ITPR2: variants seen among roughly 807,000 people sequenced by gnomAD.
ITPR2 encodes the protein inositol 1,4,5-trisphosphate-gated calcium channel ITPR2.
A neutral mutation model predicts 317.1 loss-of-function variants in ITPR2; 207 were observed. The observed-to-expected ratio is 0.65, with a 90% CI of 0.58 to 0.73. ITPR2 has a LOEUF of 0.73. Ranked by LOEUF, ITPR2 falls within the 30% of genes least tolerant of loss-of-function variation. The pLI is 0.00. For missense variants in ITPR2, 2,613 were observed against 3,284.0 expected, an observed-to-expected ratio of 0.80 and a Z score of 4.99; for synonymous variants, 1,156 against 1,149.1, an observed-to-expected ratio of 1.01 and a Z score of -0.12.
intron 55 of ITPR2, 56 bp downstream of exon 55, chr12:26,387,378 G>C: frequency 9.2e-6 from 14 of 1,522,196 alleles, no homozygotes; most frequent in Non-Finnish European, 1.2e-5. Flanking sequence ...GGGTAGAGAA[G>C]ATGAAAGCCT....
intron 23 of ITPR2, among the ~76,000 whole-genome samples, chr12:26,625,993 G>A (rs1261873383): frequency 6.6e-6 from 1 of 152,116 alleles, no homozygotes; most frequent in Non-Finnish European, 1.5e-5. Context: ...ACAGGGTCTT[G>A]TTCTGTTGCC....
At chr12:26,568,153 G>C (rs1198689599) in intron 34 of ITPR2, among the ~76,000 whole-genome samples, 2 of 150,542 alleles carry the variant, frequency 1.3e-5, no homozygotes, top group Non-Finnish European at 3.0e-5. Context: ...CTGGCCTATA[G>C]CATTAACTCC....
intron 21 of ITPR2, 136 bp from the exon 22 acceptor site, chr12:26,632,195 G>C: frequency 6.0e-6 from 3 of 502,224 alleles, no homozygotes; most frequent in Non-Finnish European, 9.7e-6. Flanking sequence ...CATAAGCATT[G>C]TTTGGGCTCT....
At chr12:26,491,727 GAGTA>G (rs1942812103) in intron 39 of ITPR2, among the ~76,000 whole-genome samples, 1 of 152,160 alleles carries the variant, frequency 6.6e-6, no homozygotes, top group Admixed American at 6.5e-5. Context: ...TTCAGGAAGA[GAGTA>G]AGTAAGGGTG....
intron 13 of ITPR2, among the ~76,000 whole-genome samples, chr12:26,681,522 C>G (rs111831972): frequency 1.3e-5 from 2 of 152,054 alleles, no homozygotes; most frequent in African/African-American, 4.8e-5. Context: ...CAGAGAAACA[C>G]AAACCTTCCT....
chr12:26,561,910 T>C lies in ITPR2; in HGVS notation c.4673A>G (p.Gln1558Arg). The change falls in exon 35 of 57, where the codon CAA (glutamine) becomes CGA (arginine). Residue 1558 changes from glutamine to arginine, a missense_variant. Physicochemically the swap from Gln to Arg is conservative, Grantham distance 43. Around this residue, in one of 9 missense-constraint regions of ITPR2, gnomAD observed 926 missense variants for 1,072.8 expected, o/e 0.86. Coordinates refer to ENST00000381340, the MANE Select transcript of ITPR2 (RefSeq NM_002223.4). ...GCTCTTCATGAAAAGAGTATTAACT[T>C]GGCTGTCCAAATCCACTGGAATGGC... The part of the protein sequence containing the change: ...GIAIPVDLDS[Q>R]VNTLFMKSHS... 1 of 1,556,218 alleles carries C rather than the reference T, an allele frequency of 6.4e-7. No homozygotes were observed. Among genetic ancestry groups the C allele is most frequent in the Non-Finnish European group, 8.6e-7 (1 of 1,160,900 alleles).
chr12:26,359,946 C>T (rs976098364), intron 55 of ITPR2, among the ~76,000 whole-genome samples: 5 of 152,168 alleles, frequency 3.3e-5, no homozygotes, highest in African/African-American at 1.2e-4. Flanking sequence ...CCACTTTCGC[C>T]TCTACGTGCC....
chr12:26,697,590 C>T lies in ITPR2; in HGVS notation c.952-1940G>A, dbSNP rs1267293191. The stretch of plus-strand genomic sequence containing the variant: ...TTGGGAGGCCAAGGTGGGTGGATCA[C>T]CTAAGATCAGGAGTTCGAGATCATC... On this transcript the variant is annotated intron_variant, in intron 9 of 56. Transcript: ENST00000381340. Among the ~76,000 whole-genome samples the T allele has an allele frequency of 2.0e-5, 3 of 152,222 alleles. No homozygotes were observed. The East Asian group carries it at 5.8e-4, about 29-fold the overall frequency.
chr12:26,364,140 T>G (rs1285130977), intron 55 of ITPR2, among the ~76,000 whole-genome samples: 1 of 152,164 alleles, frequency 6.6e-6, no homozygotes, highest in Non-Finnish European at 1.5e-5. Context: ...ATATGGCGGG[T>G]CAGATACCAT....
At chr12:26,820,641 T>C (rs1476248604) in intron 1 of ITPR2, among the ~76,000 whole-genome samples, 2 of 152,192 alleles carry the variant, frequency 1.3e-5, no homozygotes, top group Admixed American at 1.3e-4. Flanking sequence ...TAAAAGAATT[T>C]TTAAAAATAT....
chr12:26,349,646 G>A (rs1038834380), intron 55 of ITPR2, among the ~76,000 whole-genome samples: 3 of 152,232 alleles, frequency 2.0e-5, no homozygotes, highest in African/African-American at 7.2e-5. Context: ...TTGGTTAGCT[G>A]AGGCCATATG....
chr12:26,464,002 A>G (rs1291234040), intron 45 of ITPR2, among the ~76,000 whole-genome samples: 1 of 152,174 alleles, frequency 6.6e-6, no homozygotes, highest in South Asian at 2.1e-4. Flanking sequence ...TTATCAATCC[A>G]TAAGATTCAT....
chr12:26,442,129 A>C (rs1284093877), intron 46 of ITPR2, among the ~76,000 whole-genome samples: 1 of 151,502 alleles, frequency 6.6e-6, no homozygotes, highest in East Asian at 1.9e-4. Context: ...GAAAATAGTC[A>C]TCTCCTTCCC....
intron 20 of ITPR2, 92 bp downstream of exon 20, chr12:26,655,613 CAAA>C (rs56325248): frequency 0.024 from 15,281 of 623,858 alleles, no homozygotes; most frequent in South Asian, 0.03. Flanking sequence ...GACTCTGTCT[CAAA>C]AAAAAAAAAA....
intron 5 of ITPR2, among the ~76,000 whole-genome samples, chr12:26,718,591 G>A (rs893494290): frequency 6.7e-6 from 1 of 149,468 alleles, no homozygotes; most frequent in Admixed American, 6.7e-5. Flanking sequence ...ATATATATAT[G>A]TGTGTGTGTA....
chr12:26,438,851 C>T (rs757443190), intron 47 of ITPR2, among the ~76,000 whole-genome samples: 4 of 152,152 alleles, frequency 2.6e-5, no homozygotes, highest in Non-Finnish European at 5.9e-5. Flanking sequence ...TTGAAATGTA[C>T]AGCTTCAACC....
At chr12:26,442,628 T>G (rs1030413561) in intron 46 of ITPR2, among the ~76,000 whole-genome samples, 2 of 152,160 alleles carry the variant, frequency 1.3e-5, no homozygotes, top group Admixed American at 1.3e-4. Context: ...ATGTTTTTGC[T>G]GCTAGTCCAG....
chr12:26,397,189 T>C (rs1261280913), intron 54 of ITPR2, among the ~76,000 whole-genome samples: 5 of 152,140 alleles, frequency 3.3e-5, no homozygotes, highest in East Asian at 1.9e-4. Flanking sequence ...AACTGCCTAA[T>C]ATAAAAGGCC....
intron 48 of ITPR2, among the ~76,000 whole-genome samples, chr12:26,429,601 G>C (rs1941152147): frequency 1.3e-5 from 2 of 152,132 alleles, no homozygotes; most frequent in African/African-American, 4.8e-5. Context: ...ACTGGGACTT[G>C]AGACTCCACC....
Sources: allele counts gnomAD v4.1 joint callset (sites outside exome capture counted in the v4.1 genomes callset), GRCh38; gene constraint gnomAD v4.1.1; regional missense constraint gnomAD v4.1.1; transcripts MANE v1.5; gene names NCBI Gene and HGNC (gene_info 2026-07-23, HGNC 2026-07-21).